The following KTN1 variants were observed in gnomAD, a reference collection of about 807,000 sequenced individuals.
KTN1 encodes kinectin.
In KTN1, 130 loss-of-function variants were observed where a neutral mutation model predicts 222.5. That is an observed-to-expected ratio of 0.58 (90% confidence interval 0.51 to 0.68). KTN1 has a LOEUF of 0.68. Ranked by LOEUF, KTN1 falls within the 30% of genes least tolerant of loss-of-function variation. The pLI, the probability that KTN1 is intolerant of heterozygous loss-of-function variation, is 0.00. For synonymous variants in KTN1, 512 were observed against 496.3 expected (o/e 1.03, Z -0.42); for missense variants, 1,508 against 1,500.4 (o/e 1.01, Z -0.08).
intron 25 of KTN1, among the ~76,000 whole-genome samples, chr14:55,652,490 C>T (rs1255492298): frequency 6.6e-6 from 1 of 151,458 alleles, no homozygotes; most frequent in Admixed American, 6.6e-5. Flanking sequence ...CCTCCACCTC[C>T]CGGGTTCAAG....
chr14:55,669,405 A>G (rs2045228289), intron 34 of KTN1, among the ~76,000 whole-genome samples: 1 of 152,116 alleles, frequency 6.6e-6, no homozygotes, highest in African/African-American at 2.4e-5. Context: ...TCTATGTGCT[A>G]ACATTAGAGT....
intron 37 of KTN1, 43 bp from the exon 38 acceptor site, chr14:55,672,587 C>A (rs1027776324): frequency 9.1e-6 from 11 of 1,205,012 alleles, no homozygotes; most frequent in Non-Finnish European, 1.3e-5. Context: ...ACTGCTATAT[C>A]CTTGGTGGTT....
intron 40 of KTN1, chr14:55,674,808 C>T (rs1416266587): frequency 6.6e-6 from 1 of 152,018 alleles, no homozygotes; most frequent in Non-Finnish European, 1.5e-5. Context: ...AGTTTGGGAT[C>T]TTTATTTTAA....
chr14:55,673,840 A>T (rs570473350), intron 40 of KTN1: 1 of 152,144 alleles, frequency 6.6e-6, no homozygotes, highest in Non-Finnish European at 1.5e-5. Flanking sequence ...ATGTCTTAAA[A>T]CATATAATAC....
rs2043147753 is a variant in KTN1 at position 55,653,474 on chromosome 14, G to A, written c.2764-85G>A. ...ATATAATTATGTTTTTGTTTTTATT[G>A]GTGGGTGATTCCATATATATGTTTT... On this transcript the variant is annotated intron_variant, in intron 27 of 43. Coordinates refer to ENST00000395314, the MANE Select transcript of KTN1 (RefSeq NM_001079521.2). 15 of 982,640 alleles carry A rather than the reference G, an allele frequency of 1.5e-5. No individual in the cohort carries two copies. In the South Asian group the frequency reaches 2.3e-4, roughly 15 times the overall value. The allele number at this position is 982,640 out of a possible 1,614,324, so 60.9% of individuals were successfully genotyped here.
chr14:55,608,060 A>C (rs1002590065), intron 1 of KTN1, among the ~76,000 whole-genome samples: 5 of 152,180 alleles, frequency 3.3e-5, no homozygotes, highest in Admixed American at 2.6e-4. Context: ...TATACTGTGG[A>C]CTTAGAAAAT....
At chr14:55,580,849 A>G (rs1280823124) in intron 1 of KTN1, among the ~76,000 whole-genome samples, 1 of 152,080 alleles carries the variant, frequency 6.6e-6, no homozygotes, top group African/African-American at 2.4e-5. Context: ...CACTTACGCC[A>G]TGCTGGAGTT....
chr14:55,626,446 C>T (rs2039839813), intron 5 of KTN1, among the ~76,000 whole-genome samples: 1 of 152,040 alleles, frequency 6.6e-6, no homozygotes, highest in Non-Finnish European at 1.5e-5. Context: ...TTTTATTTTC[C>T]AGAGATGATT....
chr14:55,612,689 C>T, intron 2 of KTN1, 118 bp downstream of exon 2: 2 of 820,846 alleles, frequency 2.4e-6, no homozygotes, highest in Non-Finnish European at 3.6e-6. Flanking sequence ...CATGATTATT[C>T]ATTTCATTAT....
At chr14:55,662,978 A>G (rs533526843) in intron 32 of KTN1, 1 of 456,076 alleles carries the variant, frequency 2.2e-6, no homozygotes, top group East Asian at 6.9e-5. Context: ...AGGACACTGG[A>G]GGCCAGCAGA....
At chr14:55,652,797 T>A in intron 25 of KTN1, 53 bp from the exon 26 acceptor site, 1 of 1,338,936 alleles carries the variant, frequency 7.5e-7, no homozygotes, top group Non-Finnish European at 1.0e-6. Context: ...AGATTTTTGC[T>A]TTTTATGGTC....
intron 7 of KTN1, among the ~76,000 whole-genome samples, chr14:55,632,071 T>A (rs763191954): frequency 6.6e-6 from 1 of 152,200 alleles, no homozygotes; most frequent in African/African-American, 2.4e-5. Flanking sequence ...GTTTTCATGT[T>A]CTTACCCTAT....
intron 2 of KTN1, among the ~76,000 whole-genome samples, chr14:55,613,569 G>A (rs895255128): frequency 6.7e-6 from 1 of 148,364 alleles, no homozygotes; most frequent in Non-Finnish European, 1.5e-5. Context: ...TCTTGGCTCA[G>A]TGTGTCCTCT....
At chr14:55,668,331 C>T (rs12590936) in intron 34 of KTN1, 38,144 of 151,514 alleles carry the variant, frequency 0.25, 4,869 homozygotes, top group East Asian at 0.33. Context: ...TCGGGTTCCC[C>T]GACTCTTTCT....
chr14:55,658,993 A>G (rs1365636303), intron 30 of KTN1, among the ~76,000 whole-genome samples: 1 of 152,196 alleles, frequency 6.6e-6, no homozygotes, highest in Non-Finnish European at 1.5e-5. Context: ...CAAATGTATC[A>G]TAAGCAATAG....
chr14:55,624,247 C>T (rs75897560), intron 5 of KTN1, among the ~76,000 whole-genome samples: 11,638 of 152,252 alleles, frequency 0.076, 495 homozygotes, highest in South Asian at 0.11. Flanking sequence ...TTTTCACAGA[C>T]TGTTCGAAGT....
intron 1 of KTN1, among the ~76,000 whole-genome samples, chr14:55,581,155 C>T (rs918373045): frequency 6.6e-6 from 1 of 152,244 alleles, no homozygotes; most frequent in African/African-American, 2.4e-5. Context: ...GAGAAGTCGT[C>T]TGGCTCTCAG....
At chr14:55,680,815 A>T in intron 43 of KTN1, 1 of 781,036 alleles carries the variant, frequency 1.3e-6, no homozygotes. Context: ...AAAGTAATTA[A>T]GCCTCAGCTC....
rs190589043 is a variant in KTN1 at position 55,684,375 on chromosome 14, T to C, written c.*272T>C. 66 of 325,080 alleles carry C rather than the reference T, an allele frequency of 2.0e-4. No individual in the cohort carries two copies. The highest frequency in any genetic ancestry group is 1.3e-3 in the African/African-American group (62 of 47,346). 20.1% of individuals were successfully genotyped at this position (325,080 alleles called of 1,614,324 possible). The stretch of plus-strand genomic sequence containing the variant: ...GATAAACATGTAATCTTTTATCTTA[T>C]TTTGCTCAATAAAATTGTTCAGAAG... On this transcript the variant is annotated 3_prime_UTR_variant, in exon 44 of 44. Coordinates refer to ENST00000395314, the MANE Select transcript of KTN1 (RefSeq NM_001079521.2).
Sources: gnomAD v4.1 joint callset for allele counts (sites outside exome capture counted in the v4.1 genomes callset) on GRCh38, gnomAD v4.1.1 for gene constraint, MANE v1.5 for transcripts, NCBI Gene and HGNC (gene_info 2026-07-23, HGNC 2026-07-21) for gene names.